The following SPEF2 variants were observed in gnomAD, a reference collection of about 807,000 sequenced individuals.
SPEF2 encodes sperm flagellar and cilia associated 2, also known as sperm flagella and cilia-associated protein 2.
A neutral mutation model predicts 224.6 loss-of-function variants in SPEF2; 187 were observed. The ratio of observed to expected loss-of-function variants is 0.83; its 90% CI spans 0.74 to 0.94. The LOEUF (loss-of-function observed/expected upper bound fraction) is 0.94. Among genes scored for constraint, SPEF2 ranks in the 40% least tolerant of loss-of-function variants. SPEF2 has a pLI of 0.00. For missense variants in SPEF2, 2,170 were observed against 2,135.6 expected, an observed-to-expected ratio of 1.02 and a Z score of -0.32; for synonymous variants, 715 against 707.3, an observed-to-expected ratio of 1.01 and a Z score of -0.17.
chr5:35,627,045 T>C (rs1051447513), intron 1 of SPEF2, among the ~76,000 whole-genome samples: 5 of 151,858 alleles, frequency 3.3e-5, no homozygotes, highest in African/African-American at 1.2e-4. Context: ...CAATGACATA[T>C]AATATTTTAA....
intron 10 of SPEF2, among the ~76,000 whole-genome samples, chr5:35,679,938 A>G (rs575207643): frequency 2.0e-5 from 3 of 152,196 alleles, no homozygotes; most frequent in South Asian, 2.1e-4. Flanking sequence ...AATATAGTCA[A>G]TGTTCTCAAG....
At chr5:35,811,877 C>T (rs935362672) in intron 36 of SPEF2, among the ~76,000 whole-genome samples, 3 of 151,382 alleles carry the variant, frequency 2.0e-5, no homozygotes, top group Non-Finnish European at 4.4e-5. Flanking sequence ...CTGCACCTCC[C>T]GGGTTCACGC....
Position 35,641,529 on chromosome 5 carries a change from C to T in SPEF2, c.260C>T (p.Thr87Ile). 1.2e-6 allele frequency: 2 copies of T among 1,613,800 alleles called. No homozygotes were observed. The highest frequency in any genetic ancestry group is 8.5e-7 in the Non-Finnish European group (1 of 1,179,854). ...CAGAATGTGGCCCATGGCATCATCA[C>T]AGAAAAGCCTGGGGTGGCAACAAAG... ...FDQNVAHGII[T>I]EKPGVATKLL... Residue 87 changes from threonine (T) to isoleucine (I), a missense_variant, in exon 3 of 37, where the codon ACA (threonine) becomes ATA (isoleucine). Thr to Ile is a moderately conservative substitution (Grantham distance 89). Coordinates refer to ENST00000356031, the MANE Select transcript of SPEF2 (RefSeq NM_024867.4).
intron 5 of SPEF2, among the ~76,000 whole-genome samples, chr5:35,648,318 A>T (rs565881356): frequency 6.6e-6 from 1 of 150,896 alleles, no homozygotes; most frequent in African/African-American, 2.4e-5. Context: ...CTTTTATCTG[A>T]CTCCATTTCA....
intron 2 of SPEF2, among the ~76,000 whole-genome samples, chr5:35,641,092 C>T (rs748974606): frequency 2.6e-5 from 4 of 152,098 alleles, no homozygotes; most frequent in Admixed American, 2.0e-4. Context: ...AGAGCCACTA[C>T]CTGAATGCAA....
At chr5:35,743,691 C>CT (rs5867286) in intron 23 of SPEF2, among the ~76,000 whole-genome samples, 11,013 of 149,962 alleles carry the variant, frequency 0.073, 495 homozygotes, top group African/African-American at 0.12. Flanking sequence ...CACTCTATTC[C>CT]TTTTTTTTTT....
intron 24 of SPEF2, among the ~76,000 whole-genome samples, chr5:35,759,034 G>A (rs1318193025): frequency 9.3e-5 from 12 of 128,660 alleles, no homozygotes; most frequent in South Asian, 2.5e-4. Flanking sequence ...AAAAGTAAAG[G>A]AAAGAAAGAA....
intron 24 of SPEF2, among the ~76,000 whole-genome samples, chr5:35,754,426 C>T (rs1750144762): frequency 6.6e-6 from 1 of 152,118 alleles, no homozygotes; most frequent in Non-Finnish European, 1.5e-5. Context: ...CTGTGTTTGC[C>T]AATTGACATT....
intron 30 of SPEF2, among the ~76,000 whole-genome samples, chr5:35,782,632 ATGAC>A (rs1366278279): frequency 1.3e-5 from 2 of 152,106 alleles, no homozygotes; most frequent in East Asian, 3.9e-4. Context: ...GATTAGAACA[ATGAC>A]TGAATGCTTT....
intron 32 of SPEF2, among the ~76,000 whole-genome samples, chr5:35,794,688 A>G (rs1378158574): frequency 6.6e-6 from 1 of 152,224 alleles, no homozygotes; most frequent in Non-Finnish European, 1.5e-5. Flanking sequence ...TTAACATAGG[A>G]TATCAATTTG....
intron 3 of SPEF2, 56 bp from the exon 4 acceptor site, chr5:35,644,299 T>C: frequency 1.5e-6 from 2 of 1,350,224 alleles, no homozygotes; most frequent in East Asian, 2.6e-5. Flanking sequence ...GTGCTTATAA[T>C]GAAAATGTAC....
At chr5:35,697,622 T>C (rs926955834) in intron 14 of SPEF2, 68 bp from the exon 15 acceptor site, 1 of 1,282,728 alleles carries the variant, frequency 7.8e-7, no homozygotes, top group Non-Finnish European at 1.1e-6. Context: ...AATTAACTTT[T>C]CCTCCAAATG....
chr5:35,796,630 C>T (rs907940925), intron 33 of SPEF2, among the ~76,000 whole-genome samples: 14 of 149,680 alleles, frequency 9.4e-5, no homozygotes, highest in South Asian at 4.2e-4. Context: ...AAAATCTCAA[C>T]GCTACTCTGA....
intron 20 of SPEF2, among the ~76,000 whole-genome samples, chr5:35,722,923 A>G (rs1016870522): frequency 3.3e-5 from 5 of 151,904 alleles, no homozygotes; most frequent in African/African-American, 1.2e-4. Flanking sequence ...ACTTTTCCTT[A>G]GTTCAGCTAA....
At chr5:35,780,548 G>A (rs1056370207) in intron 30 of SPEF2, among the ~76,000 whole-genome samples, 5 of 152,136 alleles carry the variant, frequency 3.3e-5, no homozygotes, top group South Asian at 2.1e-4. Flanking sequence ...AAAAAATCTC[G>A]ACTTTACAAA....
At chr5:35,788,240 G>A (rs531531782) in intron 30 of SPEF2, 15 of 703,012 alleles carry the variant, frequency 2.1e-5, no homozygotes, top group African/African-American at 2.1e-4. Flanking sequence ...CCTCGGGAGA[G>A]TAGAGAACTT....
At position 35,776,144 on chromosome 5, in the gene SPEF2, G is replaced by A. The variant is rs1023877977; in HGVS notation, c.4079-113G>A. 100 of 1,009,842 alleles carry A rather than the reference G, an allele frequency of 9.9e-5. 1 individual carries two copies. Among genetic ancestry groups the A allele is most frequent in the Non-Finnish European group, 1.3e-4 (90 of 709,542 alleles). 62.6% of individuals were successfully genotyped at this position (1,009,842 alleles called of 1,614,324 possible). On this transcript the variant is annotated intron_variant, in intron 28 of 36. Transcript: ENST00000356031. ...TCTTATCTATTCTGGTATATTAAAC[G>A]TGCACCTAAAGCTTCACAAATTGAA...
chr5:35,795,363 T>G (rs567395544), intron 32 of SPEF2, among the ~76,000 whole-genome samples: 10 of 152,226 alleles, frequency 6.6e-5, no homozygotes, highest in Non-Finnish European at 1.2e-4. Flanking sequence ...GCAAGATTAA[T>G]ACAGGGTAGC....
At position 35,792,344 on chromosome 5, in the gene SPEF2, A is replaced by G. The variant is rs1756085272; in HGVS notation, c.4452A>G (p.Ile1484Met). The G allele has an allele frequency of 6.2e-7, 1 of 1,613,006 alleles. No homozygotes were observed. Among genetic ancestry groups the G allele is most frequent in the South Asian group, 1.1e-5 (1 of 90,964 alleles). Residue 1484 changes from isoleucine to methionine, a missense_variant, in exon 31 of 37, where the codon ATA becomes ATG. Transcript: ENST00000356031. ...DQFLDMAPKG[I>M]IGNKAFTDIL... ...ATATTTTTCATTGTATTATAGGCAT[A>G]ATAGGAAATAAAGCATTTACTGACA...
Sources: gnomAD v4.1 joint callset for allele counts (sites outside exome capture counted in the v4.1 genomes callset) on GRCh38, gnomAD v4.1.1 for gene constraint, MANE v1.5 for transcripts, NCBI Gene and HGNC (gene_info 2026-07-23, HGNC 2026-07-21) for gene names.